The following CTR9 variants were observed in gnomAD, a reference collection of about 807,000 sequenced individuals.
CTR9 encodes the protein CTR9 component of Paf1/RNA polymerase II complex.
In CTR9, 41 loss-of-function variants were observed where a neutral mutation model predicts 152.1. The observed-to-expected ratio is 0.27, with a 90% CI of 0.21 to 0.35. The LOEUF is 0.35. Ranked by LOEUF, CTR9 falls within the 10% of genes least tolerant of loss-of-function variation. The pLI, the probability that CTR9 is intolerant of heterozygous loss-of-function variation, is 1.00. For missense variants in CTR9, 917 were observed against 1,424.4 expected, an observed-to-expected ratio of 0.64 and a Z score of 5.73; for synonymous variants, 476 against 496.2, an observed-to-expected ratio of 0.96 and a Z score of 0.54.
chr11:10,777,652 A>C (rs16908300), intron 24 of CTR9, among the ~76,000 whole-genome samples: 9,694 of 152,240 alleles, frequency 0.064, 1,023 homozygotes, highest in African/African-American at 0.22. Flanking sequence ...GTCAAGGCCA[A>C]GTTTGTTTGA....
rs3736326 is a variant in CTR9 at position 10,764,595 on chromosome 11, C to T, written c.1461C>T (p.His487=). 0.6 allele frequency: 965,208 copies of T among 1,611,330 alleles called. 295,400 individuals are homozygous for T. Among genetic ancestry groups the T allele is most frequent in the East Asian group, 0.84 (37,654 of 44,824 alleles). The change falls in exon 12 of 25, where the codon CAC becomes CAT. Residue 487 remains histidine (H), a synonymous_variant. Coordinates refer to ENST00000361367, the MANE Select transcript of CTR9 (RefSeq NM_014633.5). ...SLDRAKAEAE[H]DEHYYNAISV... ...ACCGTGCAAAAGCAGAAGCGGAACA[C>T]GATGAGCATTACTATAACGCCATTT...
Position 10,775,305 on chromosome 11 carries a change from T to C in CTR9, c.2982+2T>C. ...CCAAAAGCAGAGAAGAAAAAGGCTG[T>C]AAGTTTATAGTACTGTGTTTTTCTG... On this transcript the variant is annotated splice_donor_variant, in intron 23 of 24. Coordinates refer to ENST00000361367, the MANE Select transcript of CTR9 (RefSeq NM_014633.5). LOFTEE classifies it high-confidence loss of function. 6.2e-7 allele frequency: 1 copy of C among 1,613,176 alleles called. No individual in the cohort carries two copies. Among genetic ancestry groups the C allele is most frequent in the Non-Finnish European group, 8.5e-7 (1 of 1,179,330 alleles).
At position 10,778,761 on chromosome 11, in the gene CTR9, G is replaced by A. The variant is rs748843627; in HGVS notation, c.3178G>A (p.Asp1060Asn). ...ATGTGCCTCATCAGAGAGTGATTCC[G>A]ATGAGAACCAGAACAAGTCTGGCAG... ...KKCASSESDS[D>N]ENQNKSGSEA... Residue 1060 changes from aspartate (D) to asparagine (N), a missense_variant, in exon 25 of 25, where the codon GAT (aspartate) becomes AAT (asparagine). Asp to Asn is a conservative substitution (Grantham distance 23). Around this residue, in one of 9 missense-constraint regions of CTR9, gnomAD observed 384 missense variants for 398.4 expected, o/e 0.96. Coordinates refer to ENST00000361367, the MANE Select transcript of CTR9 (RefSeq NM_014633.5). 12 of 1,614,006 alleles carry A rather than the reference G, an allele frequency of 7.4e-6. No homozygotes were observed. The highest frequency in any genetic ancestry group is 1.7e-5 in the Admixed American group (1 of 59,984).
At chr11:10,775,673 G>C in intron 24 of CTR9, 40 bp downstream of exon 24, 2 of 1,369,394 alleles carry the variant, frequency 1.5e-6, no homozygotes, top group African/African-American at 1.5e-5. Flanking sequence ...TCATGATGTA[G>C]ATAAATCAAA....
chr11:10,778,817 A>G lies in CTR9; in HGVS notation c.3234A>G (p.Arg1078=), dbSNP rs1863283408. The G allele has an allele frequency of 6.2e-7, 1 of 1,614,134 alleles. No individual in the cohort carries two copies. The highest frequency in any genetic ancestry group is 1.3e-5 in the African/African-American group (1 of 74,944). Residue 1078 remains arginine, a synonymous_variant, in exon 25 of 25, where the codon AGA becomes AGG. Transcript: ENST00000361367. The stretch of plus-strand genomic sequence containing the variant: ...CCGGCAGTCCCCGGAGGCCACGAAG[A>G]CAGCGGTCAGATCAGGACTCAGACA... ...SEAGSPRRPR[R]QRSDQDSDSD...
chr11:10,775,082 A>G (rs1483578109), intron 22 of CTR9, 125 bp from the exon 23 acceptor site: 2 of 708,394 alleles, frequency 2.8e-6, no homozygotes, highest in Non-Finnish European at 4.8e-6. Flanking sequence ...AGGAGTGTAC[A>G]GTATGATTGA....
chr11:10,751,570 G>A, intron 1 of CTR9, 113 bp downstream of exon 1: 1 of 1,035,312 alleles, frequency 9.7e-7, no homozygotes, highest in Non-Finnish European at 1.5e-6. Context: ...TAAGAGCCCT[G>A]ATCGAAATAC....
Position 10,766,393 on chromosome 11 carries a change from T to C in CTR9, c.1598-9T>C. 6.3e-7 allele frequency: 1 copy of C among 1,591,318 alleles called. No individual in the cohort carries two copies. The highest frequency in any genetic ancestry group is 1.2e-5 in the South Asian group (1 of 86,838). On this transcript the variant is annotated splice_polypyrimidine_tract_variant and intron_variant, in intron 12 of 24. Coordinates refer to ENST00000361367, the MANE Select transcript of CTR9 (RefSeq NM_014633.5). ...TTTGGGATATAAAAACTTTTAAATA[T>C]GTTTTCAGGCTATTTGCGCCTAGGA...
chr11:10,762,420 G>A (rs1190837656), intron 7 of CTR9, among the ~76,000 whole-genome samples: 1 of 152,192 alleles, frequency 6.6e-6, no homozygotes, highest in Non-Finnish European at 1.5e-5. Flanking sequence ...TGGTCAGATG[G>A]CTTAGGTGAA....
chr11:10,760,266 C>G lies in CTR9; in HGVS notation c.686C>G (p.Ser229Cys), dbSNP rs994091482. 3.7e-6 allele frequency: 6 copies of G among 1,613,878 alleles called. No individual in the cohort carries two copies. Among genetic ancestry groups the G allele is most frequent in the Non-Finnish European group, 5.1e-6 (6 of 1,179,946 alleles). Residue 229 changes from serine to cysteine, a missense_variant, in exon 6 of 25, where the codon TCC becomes TGC. By Grantham distance (112) the Ser-to-Cys change is moderately radical. Transcript: ENST00000361367. Reference sequence around the variant, plus strand: ...TTCAGCAGAGCCCTGGAACTCAATTCCAAATGCGTGGGAGCATTGGTTGGA... The same window carrying G: ...TTCAGCAGAGCCCTGGAACTCAATTGCAAATGCGTGGGAGCATTGGTTGGA... The part of the protein sequence containing the change: ...LAFSRALELN[S>C]KCVGALVGLA...
chr11:10,777,955 A>G (rs757696610), intron 24 of CTR9, among the ~76,000 whole-genome samples: 8 of 152,204 alleles, frequency 5.3e-5, no homozygotes, highest in Non-Finnish European at 1.0e-4. Context: ...CTTTCCTCAG[A>G]GCCTCCAGGA....
At chr11:10,758,687 C>T (rs980690466) in intron 5 of CTR9, among the ~76,000 whole-genome samples, 2 of 152,248 alleles carry the variant, frequency 1.3e-5, no homozygotes, top group African/African-American at 2.4e-5. Context: ...ACCTGAGTCA[C>T]GTGGCATGCA....
intron 7 of CTR9, among the ~76,000 whole-genome samples, 186 bp downstream of exon 7, chr11:10,762,240 AT>A (rs978699678): frequency 5.3e-5 from 8 of 152,122 alleles, no homozygotes; most frequent in African/African-American, 1.9e-4. Flanking sequence ...TTTGCTTAAT[AT>A]TTATTGACCC....
At position 10,770,573 on chromosome 11, in the gene CTR9, T is replaced by C. The variant is rs138718780; in HGVS notation, c.2313T>C (p.Asp771=). The C allele has an allele frequency of 1.8e-4, 289 of 1,613,814 alleles. No individual in the cohort carries two copies. The African/African-American group carries it at 3.3e-3, about 19-fold the overall frequency. Residue 771 remains aspartate, a synonymous_variant, in exon 18 of 25, where the codon GAT becomes GAC. Coordinates refer to ENST00000361367, the MANE Select transcript of CTR9 (RefSeq NM_014633.5). ...GATTAGCTACCTCTGTCCTGAAAGA[T>C]GAAAAAAGTAATCTGAAGGAAGTAC... The part of the protein sequence containing the change: ...LQRLATSVLK[D]EKSNLKEVLN...
chr11:10,778,727 A>G lies in CTR9; in HGVS notation c.3144A>G (p.Gln1048=). The change falls in exon 25 of 25, where the codon CAA becomes CAG. Residue 1048 remains glutamine (Q), a synonymous_variant. Transcript: ENST00000361367. ...NSNSDSDEDE[Q]RKKCASSESD... ...ACAGTGACTCAGACGAGGACGAACA[A>G]CGAAAGAAATGTGCCTCATCAGAGA... is the stretch of plus-strand genomic sequence containing the variant. The G allele has an allele frequency of 6.2e-7, 1 of 1,614,074 alleles. No homozygotes were observed. The highest frequency in any genetic ancestry group is 1.1e-5 in the South Asian group (1 of 91,082).
intron 6 of CTR9, among the ~76,000 whole-genome samples, chr11:10,761,215 G>C (rs909720100): frequency 1.3e-5 from 2 of 152,182 alleles, no homozygotes; most frequent in Admixed American, 1.3e-4. Context: ...TTCATCCCCA[G>C]TTGAGAACCA....
Position 10,779,039 on chromosome 11 carries a change from A to G in CTR9, c.3456A>G (p.Glu1152=), listed in dbSNP as rs748052728. The part of the protein sequence containing the change: ...GSGQGSGNES[E]PEGSNNEASD... Reference sequence around the variant, plus strand: ...GCCAAGGCTCTGGAAATGAATCGGAACCAGAGGGATCCAACAATGAGGCCT... The same window carrying G: ...GCCAAGGCTCTGGAAATGAATCGGAGCCAGAGGGATCCAACAATGAGGCCT... The change falls in exon 25 of 25, where the codon GAA becomes GAG. Residue 1152 remains glutamate (E), a synonymous_variant. Transcript: ENST00000361367. The G allele has an allele frequency of 1.2e-6, 2 of 1,614,190 alleles. No homozygotes were observed. Among genetic ancestry groups the G allele is most frequent in the Non-Finnish European group, 1.7e-6 (2 of 1,180,030 alleles).
At chr11:10,775,487 T>G in intron 23 of CTR9, 34 bp from the exon 24 acceptor site, 1 of 1,557,982 alleles carries the variant, frequency 6.4e-7, no homozygotes, top group East Asian at 2.3e-5. Context: ...AATGTAAGAG[T>G]CTTGACTAAT....
intron 6 of CTR9, among the ~76,000 whole-genome samples, 183 bp from the exon 7 acceptor site, chr11:10,761,764 G>C (rs1186023581): frequency 6.6e-6 from 1 of 151,938 alleles, no homozygotes; most frequent in Non-Finnish European, 1.5e-5. Context: ...AAAAAATTAA[G>C]GATTAAAAGA....
Sources: allele counts gnomAD v4.1 joint callset (sites outside exome capture counted in the v4.1 genomes callset), GRCh38; gene constraint gnomAD v4.1.1; regional missense constraint gnomAD v4.1.1; transcripts MANE v1.5; gene names NCBI Gene and HGNC (gene_info 2026-07-23, HGNC 2026-07-21).